HPSE2: variants seen among roughly 807,000 people sequenced by gnomAD.
HPSE2 encodes the protein inactive heparanase-2.
Under a neutral mutation model 60.5 loss-of-function variants are expected in HPSE2, and 38 were observed. The observed-to-expected ratio is 0.63, with a 90% CI of 0.48 to 0.82. The LOEUF is 0.82. HPSE2 is among the 40% of genes least tolerant of loss of function. The pLI is 0.00. For missense variants in HPSE2, 713 were observed against 740.4 expected, an observed-to-expected ratio of 0.96 and a Z score of 0.43; for synonymous variants, 295 against 293.2, an observed-to-expected ratio of 1.01 and a Z score of -0.06.
chr10:98,634,150 T>G (rs913016376), intron 7 of HPSE2, among the ~76,000 whole-genome samples: 50 of 152,162 alleles, frequency 3.3e-4, no homozygotes, highest in African/African-American at 1.1e-3. Context: ...TTCTGCAGTG[T>G]GAACAGCAAA....
At chr10:98,779,003 A>G (rs1950407818) in intron 3 of HPSE2, among the ~76,000 whole-genome samples, 1 of 152,194 alleles carries the variant, frequency 6.6e-6, no homozygotes. Flanking sequence ...GCCATCTTTA[A>G]GATTTATATC....
In HPSE2 at chr10:98,490,013, C is replaced by T. The variant is rs768452118; in HGVS notation, c.1466+38G>A. ...TCCCAAATGGTATGGGGTGGGAGCC[C>T]CTCAGGTGGCCTTTCTGCCATCTTT... On this transcript the variant is annotated intron_variant, in intron 10 of 11. Transcript: ENST00000370552. The T allele has an allele frequency of 5.0e-6, 8 of 1,613,330 alleles. No individual in the cohort carries two copies. In the African/African-American group the frequency reaches 1.1e-4, roughly 22 times the overall value.
upstream of HPSE2, chr10:99,235,916 A>AC (rs1849828756): frequency 1.5e-6 from 1 of 687,804 alleles, no homozygotes; most frequent in Non-Finnish European, 2.4e-6. Context: ...CCTTCCTCCC[A>AC]CCACCCCCCC....
Position 98,576,829 on chromosome 10 carries a change from A to G in HPSE2, c.1320+38075T>C, listed in dbSNP as rs572731805. On this transcript the variant is annotated intron_variant, in intron 9 of 11. Coordinates refer to ENST00000370552, the MANE Select transcript of HPSE2 (RefSeq NM_021828.5). Reference sequence around the variant, plus strand: ...GTTCTCTATAGTCTATTGGATTTTCAATTGCTAATTAGCCCTCCTTTTTTT... The same window carrying G: ...GTTCTCTATAGTCTATTGGATTTTCGATTGCTAATTAGCCCTCCTTTTTTT... 2.6e-5 allele frequency among the ~76,000 whole-genome samples: 4 copies of G among 151,564 alleles called. No individual in the cohort carries two copies. The East Asian group carries it at 5.8e-4, about 22-fold the overall frequency.
rs1412953097 is a variant in HPSE2 at position 98,900,055 on chromosome 10, T to C, written c.611-155999A>G. Among the ~76,000 whole-genome samples, 3 of 152,122 alleles carry C rather than the reference T, an allele frequency of 2.0e-5. No individual in the cohort carries two copies. The East Asian group carries it at 5.8e-4, about 29-fold the overall frequency. Reference sequence around the variant, plus strand: ...ACAAAGTTAAACATACACTTGCCAATTGTGATTCAGCCATTCTACTCCTAG... The same window carrying C: ...ACAAAGTTAAACATACACTTGCCAACTGTGATTCAGCCATTCTACTCCTAG... On this transcript the variant is annotated intron_variant, in intron 3 of 11. Transcript: ENST00000370552.
At chr10:99,229,670 T>A (rs1379799075) in intron 2 of HPSE2, among the ~76,000 whole-genome samples, 1 of 152,202 alleles carries the variant, frequency 6.6e-6, no homozygotes, top group Non-Finnish European at 1.5e-5. Flanking sequence ...CCTTCCTAAG[T>A]CCAAATTCCA....
intron 3 of HPSE2, among the ~76,000 whole-genome samples, chr10:99,113,887 A>G (rs541720012): frequency 9.9e-5 from 15 of 152,040 alleles, no homozygotes; most frequent in Non-Finnish European, 1.9e-4. Context: ...ACCTCATTAC[A>G]TGGCTGACCA....
At chr10:98,923,958 C>T (rs747132069) in intron 3 of HPSE2, among the ~76,000 whole-genome samples, 2 of 152,096 alleles carry the variant, frequency 1.3e-5, no homozygotes, top group African/African-American at 4.8e-5. Context: ...GATGTTGGCA[C>T]TTGTAGAAGT....
At chr10:99,239,790 T>C (rs1403413870), upstream of HPSE2, among the ~76,000 whole-genome samples, 1 of 152,014 alleles carries the variant, frequency 6.6e-6, no homozygotes, top group Non-Finnish European at 1.5e-5. Flanking sequence ...CAACTACTTA[T>C]CTCTATTACT....
the HPSE2 span, among the ~76,000 whole-genome samples, chr10:99,245,984 C>T: frequency 6.6e-6 from 1 of 152,070 alleles, no homozygotes; most frequent in African/African-American, 2.4e-5. Flanking sequence ...GTTTTAAATA[C>T]AATGATAGGT....
intron 3 of HPSE2, among the ~76,000 whole-genome samples, chr10:98,878,810 G>A (rs1201046838): frequency 6.6e-6 from 1 of 151,948 alleles, no homozygotes; most frequent in African/African-American, 2.4e-5. Context: ...GAATGAGTTG[G>A]AATGGGCTAG....
chr10:99,207,114 T>C (rs1292703848), intron 2 of HPSE2, among the ~76,000 whole-genome samples: 2 of 152,144 alleles, frequency 1.3e-5, no homozygotes, highest in African/African-American at 4.8e-5. Flanking sequence ...ATCATCAAAC[T>C]GTTAAAAATC....
intron 2 of HPSE2, among the ~76,000 whole-genome samples, chr10:99,203,848 C>A (rs1848655072): frequency 6.6e-6 from 1 of 152,090 alleles, no homozygotes; most frequent in African/African-American, 2.4e-5. Flanking sequence ...GGCCAGTTGC[C>A]ACAAACCCAG....
At chr10:98,959,156 C>T (rs1955583969) in intron 3 of HPSE2, among the ~76,000 whole-genome samples, 1 of 152,022 alleles carries the variant, frequency 6.6e-6, no homozygotes. Flanking sequence ...GTTTTATAAA[C>T]ATTAGCATGA....
At chr10:98,724,122 A>T (rs996924499) in intron 4 of HPSE2, among the ~76,000 whole-genome samples, 14 of 151,516 alleles carry the variant, frequency 9.2e-5, no homozygotes, top group East Asian at 3.9e-4. Flanking sequence ...ATTTCCCTCT[A>T]CACACTGCTT....
chr10:99,273,755 A>C, the HPSE2 span, among the ~76,000 whole-genome samples: 1 of 152,206 alleles, frequency 6.6e-6, no homozygotes, highest in Non-Finnish European at 1.5e-5. Flanking sequence ...TGGATAGACA[A>C]ACAGATGCAG....
chr10:98,725,424 C>T (rs1016377481), intron 4 of HPSE2, among the ~76,000 whole-genome samples: 2 of 152,190 alleles, frequency 1.3e-5, no homozygotes, highest in Non-Finnish European at 2.9e-5. Flanking sequence ...GCTGGGAAAA[C>T]TGGCTAGCCT....
At position 98,941,034 on chromosome 10, in the gene HPSE2, C is replaced by T. The variant is rs540073179; in HGVS notation, c.611-196978G>A. Among the ~76,000 whole-genome samples, 385 of 133,804 alleles carry T rather than the reference C, an allele frequency of 2.9e-3. 25 individuals carry two copies. The highest frequency in any genetic ancestry group is 1.2e-3 in the Non-Finnish European group (82 of 65,852). The allele number at this position is 133,804 out of a possible 152,430, so 87.8% of individuals were successfully genotyped here. A position where few individuals can be genotyped will look rare whatever the true frequency, so the allele number is the denominator to read the frequency against. On this transcript the variant is annotated intron_variant, in intron 3 of 11. Transcript: ENST00000370552. ...AAAGGCCTTTCACAAAATTCAACAA[C>T]CCTTCATGCTAAAACTCTCAATAAA...
the HPSE2 span, among the ~76,000 whole-genome samples, chr10:99,286,513 A>T: frequency 2.6e-4 from 40 of 152,298 alleles, no homozygotes; most frequent in East Asian, 6.8e-3. Flanking sequence ...AAAATAGATT[A>T]GTGGTCACCA....
Sources: gnomAD v4.1 joint callset for allele counts (sites outside exome capture counted in the v4.1 genomes callset) on GRCh38, gnomAD v4.1.1 for gene constraint, MANE v1.5 for transcripts, NCBI Gene and HGNC (gene_info 2026-07-23, HGNC 2026-07-21) for gene names.